KIAA0825: variants seen among roughly 807,000 people sequenced by gnomAD.
KIAA0825 encodes uncharacterized protein KIAA0825.
A neutral mutation model predicts 147.6 loss-of-function variants in KIAA0825; 119 were observed. The observed-to-expected ratio is 0.81, with a 90% CI of 0.69 to 0.94. KIAA0825 has a LOEUF of 0.94. KIAA0825 is among the 40% of genes least tolerant of loss of function. The pLI is 0.00. For synonymous variants in KIAA0825, 470 were observed against 518.1 expected, an observed-to-expected ratio of 0.91 and a Z score of 1.26; for missense variants, 1,381 against 1,472.7, an observed-to-expected ratio of 0.94 and a Z score of 1.02.
intron 20 of KIAA0825, among the ~76,000 whole-genome samples, chr5:94,259,766 C>A (rs970684506): frequency 6.6e-6 from 1 of 151,880 alleles, no homozygotes; most frequent in African/African-American, 2.4e-5. Flanking sequence ...CTTTATCCTG[C>A]AGCAATCTAA....
At chr5:94,283,314 G>T (rs1777539328) in intron 20 of KIAA0825, among the ~76,000 whole-genome samples, 1 of 152,038 alleles carries the variant, frequency 6.6e-6, no homozygotes. Flanking sequence ...TAGAGCTTAA[G>T]TGACTTGTTC....
At chr5:94,326,652 G>C (rs1780723180) in intron 20 of KIAA0825, among the ~76,000 whole-genome samples, 1 of 152,138 alleles carries the variant, frequency 6.6e-6, no homozygotes, top group African/African-American at 2.4e-5. Context: ...TATGGCCTCT[G>C]TAACTCTCAG....
intron 20 of KIAA0825, among the ~76,000 whole-genome samples, chr5:94,174,254 C>T (rs920485081): frequency 6.6e-6 from 1 of 152,078 alleles, no homozygotes; most frequent in African/African-American, 2.4e-5. Flanking sequence ...TTGGAAAAAT[C>T]CAGAAAAGTA....
intron 5 of KIAA0825, among the ~76,000 whole-genome samples, chr5:94,490,966 C>G (rs988602591): frequency 3.9e-5 from 6 of 152,088 alleles, no homozygotes; most frequent in South Asian, 4.1e-4. Context: ...CATAAAAATA[C>G]AGGTAGTGGC....
intron 3 of KIAA0825, among the ~76,000 whole-genome samples, chr5:94,526,323 A>T (rs1402903158): frequency 6.6e-6 from 1 of 151,932 alleles, no homozygotes. Context: ...GATCAGCAGC[A>T]CCCTCTGGCA....
rs201748082 is a variant in KIAA0825, at chr5:94,464,138, AT to A, written c.2063+730del. Among the ~76,000 whole-genome samples, 620 of 151,474 alleles carry A rather than the reference AT, an allele frequency of 4.1e-3. 2 individuals carry two copies. The highest frequency in any genetic ancestry group is 6.3e-3 in the Non-Finnish European group (430 of 67,776). ...CCTAAAATATATCTGAAAAAAGATT[AT>A]TCTACCTAAAAGGTCTGAATCACAT... On this transcript the variant is annotated intron_variant, in intron 11 of 20. Transcript: ENST00000682413.
intron 5 of KIAA0825, among the ~76,000 whole-genome samples, chr5:94,504,224 C>CAATAAATGGGAGTTT (rs1447872665): frequency 1.3e-5 from 2 of 152,156 alleles, no homozygotes; most frequent in African/African-American, 4.8e-5. Context: ...AGAATAAAGG[C>CAATAAATGGGAGTTT]TGTCTTAGCC....
intron 2 of KIAA0825, among the ~76,000 whole-genome samples, chr5:94,542,029 A>T (rs976044910): frequency 6.6e-6 from 1 of 152,230 alleles, no homozygotes; most frequent in African/African-American, 2.4e-5. Flanking sequence ...TTATGTTTTT[A>T]ACTGTGACTG....
intron 6 of KIAA0825, among the ~76,000 whole-genome samples, chr5:94,477,638 T>C (rs1176622024): frequency 6.6e-6 from 1 of 152,150 alleles, no homozygotes; most frequent in Non-Finnish European, 1.5e-5. Context: ...TTTCCTAGCA[T>C]GTTAACTTCA....
chr5:94,587,028 T>A (rs764958755), intron 1 of KIAA0825, among the ~76,000 whole-genome samples: 4 of 152,168 alleles, frequency 2.6e-5, no homozygotes, highest in Non-Finnish European at 4.4e-5. Context: ...AACTAGGTTT[T>A]GATGGAACAT....
chr5:94,463,859 T>C (rs1760134982), intron 11 of KIAA0825, among the ~76,000 whole-genome samples: 1 of 151,946 alleles, frequency 6.6e-6, no homozygotes, highest in Non-Finnish European at 1.5e-5. Context: ...TTATGCTACA[T>C]AAGGAAAAGA....
chr5:94,222,447 T>TC (rs1279651015), intron 20 of KIAA0825, among the ~76,000 whole-genome samples: 1 of 152,180 alleles, frequency 6.6e-6, no homozygotes, highest in Non-Finnish European at 1.5e-5. Flanking sequence ...AGGCTTTGAC[T>TC]CCATTTATTA....
intron 20 of KIAA0825, among the ~76,000 whole-genome samples, chr5:94,306,183 A>G (rs901747267): frequency 1.3e-5 from 2 of 151,672 alleles, no homozygotes; most frequent in African/African-American, 4.8e-5. Flanking sequence ...ATATTTAGAG[A>G]AAAAAAAGGG....
intron 14 of KIAA0825, among the ~76,000 whole-genome samples, chr5:94,437,490 A>T (rs1756528447): frequency 6.6e-6 from 1 of 152,218 alleles, no homozygotes; most frequent in Non-Finnish European, 1.5e-5. Context: ...GCTGTACTCC[A>T]TAAGAACCAG....
Position 94,193,038 on chromosome 5 carries a change from A to G in KIAA0825, c.3711-38914T>C, listed in dbSNP as rs149208663. Among the ~76,000 whole-genome samples the G allele has an allele frequency of 5.0e-3, 764 of 152,360 alleles. 6 individuals are homozygous for G. The highest frequency in any genetic ancestry group is 0.017 in the African/African-American group (715 of 41,580). On this transcript the variant is annotated intron_variant, in intron 20 of 20. Transcript: ENST00000682413. ...ATTACATTAAAATGGTTTCTATAAT[A>G]CAAGAAAGCTCCCCCTAGTTGATTT... is the stretch of plus-strand genomic sequence containing the variant.
At chr5:94,567,830 C>A (rs1420794939) in intron 2 of KIAA0825, 1 of 154,950 alleles carries the variant, frequency 6.5e-6, no homozygotes, top group Non-Finnish European at 1.4e-5. Context: ...TCCCTGACTC[C>A]CCTCAGCCAT....
rs1768026365 is a variant in KIAA0825 at position 94,520,775 on chromosome 5, G to A, written c.443C>T (p.Ser148Phe). Residue 148 changes from serine to phenylalanine, a missense_variant, in exon 5 of 21, where the codon TCT becomes TTT. Ser to Phe is a radical substitution (Grantham distance 155, BLOSUM62 -2). Coordinates refer to ENST00000682413, the MANE Select transcript of KIAA0825 (RefSeq NM_001145678.3). ...FHFLSRTSLH[S>F]VEDNSSMDVK... is the part of the protein sequence containing the mutation. Reference sequence around the variant, plus strand: ...ATCCATAGAGGAATTATCTTCAACAGAATGAAGAGACGTCCTAGAGAGGAA... The same window carrying A: ...ATCCATAGAGGAATTATCTTCAACAAAATGAAGAGACGTCCTAGAGAGGAA... 1.9e-6 allele frequency: 3 copies of A among 1,613,064 alleles called. No individual in the cohort carries two copies. Among genetic ancestry groups the A allele is most frequent in the East Asian group, 4.5e-5 (2 of 44,840 alleles).
chr5:94,565,919 T>C (rs1778630565), intron 2 of KIAA0825, among the ~76,000 whole-genome samples: 1 of 152,176 alleles, frequency 6.6e-6, no homozygotes, highest in Admixed American at 6.5e-5. Flanking sequence ...CTTTGACCCA[T>C]ATCTCTCCAT....
At chr5:94,203,038 C>A (rs566148322) in intron 20 of KIAA0825, among the ~76,000 whole-genome samples, 1 of 152,278 alleles carries the variant, frequency 6.6e-6, no homozygotes, top group South Asian at 2.1e-4. Flanking sequence ...ATGATGGCAT[C>A]CATGTATACA....
Sources: gnomAD v4.1 joint callset for allele counts (sites outside exome capture counted in the v4.1 genomes callset) on GRCh38, gnomAD v4.1.1 for gene constraint, MANE v1.5 for transcripts, NCBI Gene and HGNC (gene_info 2026-07-23, HGNC 2026-07-21) for gene names.